HGS: variants seen among roughly 807,000 people sequenced by gnomAD.
HGS encodes human growth factor-regulated tyrosine kinase substrate.
HGS carries 63 observed loss-of-function variants against 109.7 expected under a neutral mutation model. That is an observed-to-expected ratio of 0.57 (90% CI 0.47 to 0.71). The LOEUF (loss-of-function observed/expected upper bound fraction) is 0.71. HGS is among the 30% of genes least tolerant of loss of function. The pLI, the probability that HGS is intolerant of heterozygous loss-of-function variation, is 0.00. For synonymous variants in HGS, 546 were observed against 437.3 expected, an observed-to-expected ratio of 1.25 and a Z score of -3.10; for missense variants, 995 against 1,068.3, an observed-to-expected ratio of 0.93 and a Z score of 0.96.
At chr17:81,695,253 G>A in intron 14 of HGS, 30 bp downstream of exon 14, 1 of 1,605,236 alleles carries the variant, frequency 6.2e-7, no homozygotes, top group Non-Finnish European at 8.5e-7. Context: ...ACGGGCCAGG[G>A]CAAAACATGG....
At chr17:81,696,192 CCT>C in intron 15 of HGS, 163 bp from the exon 16 acceptor site, 1 of 1,024,812 alleles carries the variant, frequency 9.8e-7, no homozygotes. Flanking sequence ...CCTGCCCTGC[CCT>C]GCCCTGCCCA....
chr17:81,698,682 A>C (rs2037190232), intron 18 of HGS, among the ~76,000 whole-genome samples: 1 of 152,236 alleles, frequency 6.6e-6, no homozygotes, highest in Non-Finnish European at 1.5e-5. Context: ...GGTTGTTAGC[A>C]GACAGAGCTG....
chr17:81,688,137 C>T (rs980014373), intron 4 of HGS, among the ~76,000 whole-genome samples: 4 of 151,884 alleles, frequency 2.6e-5, no homozygotes, highest in East Asian at 1.9e-4. Flanking sequence ...TCTGATCGCA[C>T]GCCGTCCTGC....
chr17:81,691,202 A>AT lies in HGS; in HGVS notation c.538-239dup. On this transcript the variant is annotated intron_variant, in intron 7 of 21. Coordinates refer to ENST00000329138, the MANE Select transcript of HGS (RefSeq NM_004712.5). This position sits in a 1 kb window ranked among gnomAD's most constrained non-coding sequence, Gnocchi z 5.3. ...TGTTTTATCAGCAGAATTGATGTGT[A>AT]TTTTTTCCTTGCCCTTACTTTTAAC... The AT allele has an allele frequency of 1.9e-6, 1 of 532,718 alleles. No individual in the cohort carries two copies. Among genetic ancestry groups the AT allele is most frequent in the East Asian group, 3.2e-5 (1 of 31,026 alleles). The allele number at this position is 532,718 out of a possible 1,614,324, so 33.0% of individuals were successfully genotyped here.
At position 81,695,839 on chromosome 17, in the gene HGS, G is replaced by A. The variant is rs1413789790; in HGVS notation, c.1233G>A (p.Ala411=). The change falls in exon 15 of 22, where the codon GCG becomes GCA. Residue 411 remains alanine, a synonymous_variant. Transcript: ENST00000329138. ...SEESHEQFLK[A]LQNAVTTFVN... is the part of the protein sequence containing the mutation. ...AGAGCCACGAGCAGTTCCTGAAGGC[G>A]CTGCAGAACGCCGTCACCACCTTCG... 4.3e-6 allele frequency: 7 copies of A among 1,613,532 alleles called. No homozygotes were observed. Among genetic ancestry groups the A allele is most frequent in the Middle Eastern group, 1.6e-4 (1 of 6,062 alleles).
chr17:81,701,347 T>G, intron 21 of HGS, 161 bp from the exon 22 acceptor site: 1 of 885,586 alleles, frequency 1.1e-6, no homozygotes, highest in South Asian at 1.7e-5. Flanking sequence ...AACCGTGAAT[T>G]TACTTGAAAG....
chr17:81,695,698 G>GT (rs1425297499), intron 14 of HGS, 88 bp from the exon 15 acceptor site: 1 of 1,177,796 alleles, frequency 8.5e-7, no homozygotes, highest in Non-Finnish European at 1.3e-6. Flanking sequence ...CCAGGCTTGA[G>GT]TATAGCTGGG....
chr17:81,695,014 G>C lies in HGS; in HGVS notation c.1066G>C (p.Glu356Gln), dbSNP rs1568216868. 1 of 1,614,060 alleles carries C rather than the reference G, an allele frequency of 6.2e-7. No individual in the cohort carries two copies. Among genetic ancestry groups the C allele is most frequent in the Non-Finnish European group, 8.5e-7 (1 of 1,180,022 alleles). Residue 356 changes from glutamate to glutamine, a missense_variant, in exon 13 of 22, where the codon GAG becomes CAG. Physicochemically the swap from Glu to Gln is conservative, Grantham distance 29. This residue lies in a region of HGS where 300 missense variants were observed against 235.4 expected (regional missense o/e 1.27). Coordinates refer to ENST00000329138, the MANE Select transcript of HGS (RefSeq NM_004712.5). The part of the protein sequence containing the change: ...PTPSAPVPLT[E>Q]PAAQPGEGHA... ...GCCATCTGCGCCCGTGCCCCTGACG[G>C]AGCCGGCTGCACAGCCTGGGGAAGG...
intron 14 of HGS, chr17:81,695,532 C>T: frequency 1.7e-6 from 1 of 599,230 alleles, no homozygotes; most frequent in Non-Finnish European, 3.0e-6. Context: ...GGTTGGCTGT[C>T]AGAGCACAGG....
chr17:81,690,644 C>T (rs764399738), intron 6 of HGS, 30 bp from the exon 7 acceptor site: 35 of 1,599,082 alleles, frequency 2.2e-5, no homozygotes, highest in East Asian at 6.7e-5. Flanking sequence ...GGGCGGGAAG[C>T]GTGTGGTCCT....
chr17:81,701,300 A>C, intron 21 of HGS, 169 bp downstream of exon 21: 1 of 794,804 alleles, frequency 1.3e-6, no homozygotes, highest in Non-Finnish European at 2.0e-6. Context: ...CACAAGTCTC[A>C]GGGCAGATAC....
intron 1 of HGS, among the ~76,000 whole-genome samples, chr17:81,685,386 C>G (rs1019707697): frequency 2.0e-5 from 3 of 152,208 alleles, no homozygotes; most frequent in African/African-American, 7.2e-5. Flanking sequence ...AGGGCTTGGA[C>G]CAGCACCTGG....
At chr17:81,687,876 GC>G (rs1455289475) in intron 4 of HGS, among the ~76,000 whole-genome samples, 3 of 152,228 alleles carry the variant, frequency 2.0e-5, no homozygotes, top group African/African-American at 4.8e-5. Context: ...CCTCTCAAAG[GC>G]CCTCACTGGC....
At position 81,699,051 on chromosome 17, in the gene HGS, A is replaced by G. The variant is rs1212349784; in HGVS notation, c.1883-1416A>G. Among the ~76,000 whole-genome samples, 12 of 151,322 alleles carry G rather than the reference A, an allele frequency of 7.9e-5. No homozygotes were observed. In the East Asian group the frequency reaches 2.2e-3, roughly 27 times the overall value. On this transcript the variant is annotated intron_variant, in intron 18 of 21. Coordinates refer to ENST00000329138, the MANE Select transcript of HGS (RefSeq NM_004712.5). ...CATTGCCCTCCAGCCTGGGTGACAG[A>G]GCGAGACTCCGTCTCAAAAAAAAAA...
At chr17:81,700,627 T>TCCAGGG (rs1284554887) in intron 19 of HGS, 27 bp downstream of exon 19, 34 of 1,591,864 alleles carry the variant, frequency 2.1e-5, no homozygotes, top group African/African-American at 2.7e-5. Context: ...CTCCTCTCCT[T>TCCAGGG]CCAGGGCCAG....
At chr17:81,699,650 T>G (rs1013284430) in intron 18 of HGS, among the ~76,000 whole-genome samples, 18 of 152,078 alleles carry the variant, frequency 1.2e-4, no homozygotes, top group Non-Finnish European at 2.4e-4. Flanking sequence ...GGTCTCGAAC[T>G]CCTGCCATCA....
chr17:81,688,194 C>A, intron 4 of HGS, among the ~76,000 whole-genome samples: 1 of 151,558 alleles, frequency 6.6e-6, no homozygotes, highest in Non-Finnish European at 1.5e-5. Flanking sequence ...GACGCGAGGC[C>A]AGGCTGCGCT....
At chr17:81,688,210 C>G (rs1188636033) in intron 4 of HGS, among the ~76,000 whole-genome samples, 2 of 152,050 alleles carry the variant, frequency 1.3e-5, no homozygotes, top group South Asian at 2.1e-4. Context: ...GCGCTCTAAC[C>G]GGGGGAGAGG....
rs1028056930 is a variant in HGS, at chr17:81,691,979, G to A, written c.662+408G>A. On this transcript the variant is annotated intron_variant, in intron 8 of 21. Transcript: ENST00000329138. The surrounding 1 kb of genome is among the most constrained non-coding windows in gnomAD (Gnocchi z 5.3). The stretch of plus-strand genomic sequence containing the variant: ...GTGCCTCGGCGGTCGGTGTTTTGTC[G>A]CAGAGTTTACTCTGCCTCCCCTCTC... 5.1e-5 allele frequency: 10 copies of A among 197,404 alleles called. No homozygotes were observed. Among genetic ancestry groups the A allele is most frequent in the Middle Eastern group, 2.1e-3 (1 of 474 alleles). 12.2% of individuals were successfully genotyped at this position (197,404 alleles called of 1,614,324 possible).
Sources: allele counts gnomAD v4.1 joint callset (sites outside exome capture counted in the v4.1 genomes callset), GRCh38; gene constraint gnomAD v4.1.1; regional missense constraint gnomAD v4.1.1; non-coding constraint Gnocchi (gnomAD v3.1); transcripts MANE v1.5; gene names NCBI Gene and HGNC (gene_info 2026-07-23, HGNC 2026-07-21).